Variants in CNOT2 observed in about 807,000 individuals in gnomAD.
CNOT2 encodes the protein CCR4-NOT transcription complex subunit 2, also known as CC chemokine receptor 4-negative regulator of transcription 2.
A neutral mutation model predicts 72.1 loss-of-function variants in CNOT2; 7 were observed. The observed-to-expected ratio is 0.10, with a 90% confidence interval of 0.06 to 0.18. CNOT2 has a LOEUF of 0.18. Among genes scored for constraint, CNOT2 ranks in the 10% least tolerant of loss-of-function variants. The pLI is 1.00. For synonymous variants in CNOT2, 196 were observed against 225.6 expected (o/e 0.87, Z 1.17); for missense variants, 345 against 660.3 (o/e 0.52, Z 5.23).
Position 70,335,467 on chromosome 12 carries a change from C to A in CNOT2, c.679C>A (p.Leu227Ile). ...AAGTGAAAATGTGACAGGATTGGAC[C>A]TTTCAGATTTCCCAGCATTAGCAGA... ...DGSENVTGLD[L>I]SDFPALADRN... The change falls in exon 8 of 16, where the codon CTT (leucine) becomes ATT (isoleucine). Residue 227 changes from leucine to isoleucine, a missense_variant. By Grantham distance (5) the Leu-to-Ile change is conservative. Coordinates refer to ENST00000229195, the MANE Select transcript of CNOT2 (RefSeq NM_014515.7). The A allele has an allele frequency of 6.2e-7, 1 of 1,604,958 alleles. No homozygotes were observed. Among genetic ancestry groups the A allele is most frequent in the Non-Finnish European group, 8.5e-7 (1 of 1,172,128 alleles).
At chr12:70,279,716 G>A (rs900994150) in intron 2 of CNOT2, among the ~76,000 whole-genome samples, 1 of 152,176 alleles carries the variant, frequency 6.6e-6, no homozygotes, top group Non-Finnish European at 1.5e-5. Flanking sequence ...TTTGTAAAGT[G>A]TGAATGTAGA....
chr12:70,339,429 A>G (rs554920140), intron 11 of CNOT2, among the ~76,000 whole-genome samples: 86 of 152,094 alleles, frequency 5.7e-4, no homozygotes, highest in African/African-American at 2.0e-3. Context: ...CTTCTTACCC[A>G]TGAAATTCTG....
At chr12:70,277,421 TTA>T (rs1869026615) in intron 1 of CNOT2, among the ~76,000 whole-genome samples, 2 of 152,088 alleles carry the variant, frequency 1.3e-5, no homozygotes, top group Admixed American at 6.6e-5. Flanking sequence ...TTTGACTTAT[TTA>T]TATCTCTGCA....
At chr12:70,319,117 G>C (rs777490682) in intron 3 of CNOT2, 181 bp from the exon 4 acceptor site, 1 of 440,028 alleles carries the variant, frequency 2.3e-6, no homozygotes, top group African/African-American at 2.0e-5. Context: ...TGGTTTTATC[G>C]AATTGTGATA....
chr12:70,260,504 T>C (rs1205186075), intron 1 of CNOT2, among the ~76,000 whole-genome samples: 4 of 152,154 alleles, frequency 2.6e-5, no homozygotes, highest in Non-Finnish European at 4.4e-5. Flanking sequence ...CTTGTTGCAC[T>C]TGTTTACTTA....
chr12:70,331,510 T>C (rs1443066009), intron 6 of CNOT2: 1 of 151,862 alleles, frequency 6.6e-6, no homozygotes, highest in African/African-American at 2.4e-5. Context: ...GTTTTTCACA[T>C]TTTGTTTTTA....
chr12:70,336,355 A>G (rs1319044518), intron 8 of CNOT2: 2 of 152,156 alleles, frequency 1.3e-5, no homozygotes, highest in Non-Finnish European at 2.9e-5. Flanking sequence ...ATATGCAATA[A>G]CAATATAACA....
At chr12:70,348,824 T>C (rs183572014) in intron 15 of CNOT2, among the ~76,000 whole-genome samples, 1 of 151,962 alleles carries the variant, frequency 6.6e-6, no homozygotes, top group East Asian at 1.9e-4. Context: ...GAAAATTGTA[T>C]CTATTTAAAT....
rs1883227843 is a variant in CNOT2 at position 70,354,266 on chromosome 12, A to G, written c.*351A>G. On this transcript the variant is annotated 3_prime_UTR_variant, in exon 16 of 16. Transcript: ENST00000229195. ...AAATGTAAAAAAGAAAACCCCCAAA[A>G]GACTCAAGAAAATTAGACCACAAAT... The G allele has an allele frequency of 4.4e-6, 1 of 225,044 alleles. No individual in the cohort carries two copies. Among genetic ancestry groups the G allele is most frequent in the Admixed American group, 5.5e-5 (1 of 18,162 alleles). The allele number at this position is 225,044 out of a possible 1,614,324, so 13.9% of individuals were successfully genotyped here. A position where few individuals can be genotyped will look rare whatever the true frequency, so the allele number is the denominator to read the frequency against.
intron 1 of CNOT2, among the ~76,000 whole-genome samples, chr12:70,248,539 A>G (rs947203527): frequency 6.6e-6 from 1 of 152,162 alleles, no homozygotes; most frequent in Non-Finnish European, 1.5e-5. Context: ...TATGATACAT[A>G]CAACATTTTA....
At position 70,351,430 on chromosome 12, in the gene CNOT2, G is replaced by T. The variant is rs921371901; in HGVS notation, c.1537-2399G>T. On this transcript the variant is annotated intron_variant, in intron 15 of 15. Transcript: ENST00000229195. ...CTTATGTATTTTAAGAAGAATAAAA[G>T]TACGTGGAAAACAAGATTTTAAAAC... is the stretch of plus-strand genomic sequence containing the variant. 2.0e-5 allele frequency among the ~76,000 whole-genome samples: 3 copies of T among 152,244 alleles called. No individual in the cohort carries two copies. In the South Asian group the frequency reaches 6.2e-4, roughly 32 times the overall value.
chr12:70,306,830 G>C (rs904369700), intron 2 of CNOT2, among the ~76,000 whole-genome samples: 2 of 152,164 alleles, frequency 1.3e-5, no homozygotes, highest in Non-Finnish European at 1.5e-5. Context: ...TGAGAAATGC[G>C]TCAGGCACTT....
intron 1 of CNOT2, among the ~76,000 whole-genome samples, chr12:70,269,462 TAAATA>T (rs1305051915): frequency 6.6e-6 from 1 of 152,090 alleles, no homozygotes; most frequent in Non-Finnish European, 1.5e-5. Flanking sequence ...TGTGCAAAAT[TAAATA>T]CATATGCTTA....
chr12:70,305,408 G>T (rs540517700), intron 2 of CNOT2, among the ~76,000 whole-genome samples: 247 of 152,278 alleles, frequency 1.6e-3, no homozygotes, highest in African/African-American at 5.9e-3. Context: ...TCTGCGACAC[G>T]TGGGGATTAT....
chr12:70,341,931 GACAC>G, intron 11 of CNOT2, 172 bp from the exon 12 acceptor site: 1 of 617,514 alleles, frequency 1.6e-6, no homozygotes, highest in Non-Finnish European at 2.9e-6. Context: ...ATATTTTACA[GACAC>G]ACACACAAAC....
chr12:70,283,819 C>A (rs1158714152), intron 2 of CNOT2, among the ~76,000 whole-genome samples: 1 of 151,790 alleles, frequency 6.6e-6, no homozygotes, highest in African/African-American at 2.4e-5. Flanking sequence ...TGCATTTATA[C>A]AGCTGCTTAA....
chr12:70,315,504 T>A (rs1218064792), intron 3 of CNOT2, among the ~76,000 whole-genome samples: 1 of 152,200 alleles, frequency 6.6e-6, no homozygotes, highest in Admixed American at 6.5e-5. Flanking sequence ...AAATATCATT[T>A]TTTAATTGCT....
intron 11 of CNOT2, among the ~76,000 whole-genome samples, chr12:70,340,473 T>A (rs1373051078): frequency 6.6e-6 from 1 of 152,184 alleles, no homozygotes; most frequent in African/African-American, 2.4e-5. Context: ...ATTCCACACT[T>A]CTGAGTTTGA....
chr12:70,309,543 T>C (rs1268160301), intron 2 of CNOT2, among the ~76,000 whole-genome samples: 3 of 152,166 alleles, frequency 2.0e-5, no homozygotes, highest in East Asian at 1.9e-4. Flanking sequence ...TCTACTGATA[T>C]GTAATAGTGA....
Sources: allele counts gnomAD v4.1 joint callset (sites outside exome capture counted in the v4.1 genomes callset), GRCh38; gene constraint gnomAD v4.1.1; transcripts MANE v1.5; gene names NCBI Gene and HGNC (gene_info 2026-07-23, HGNC 2026-07-21).